DCHS2: variants seen among roughly 807,000 people sequenced by gnomAD.
DCHS2 encodes dachsous cadherin-related 2.
DCHS2 carries 142 observed loss-of-function variants against 182.4 expected under a neutral mutation model. That is an observed-to-expected ratio of 0.78 (90% CI 0.68 to 0.89). DCHS2 has a LOEUF of 0.89. Ranked by LOEUF, DCHS2 falls within the 40% of genes least tolerant of loss-of-function variation. The pLI, the probability that DCHS2 is intolerant of heterozygous loss-of-function variation, is 0.00. For missense variants in DCHS2, 4,319 were observed against 4,198.6 expected, an observed-to-expected ratio of 1.03 and a Z score of -0.79; for synonymous variants, 1,740 against 1,663.3, an observed-to-expected ratio of 1.05 and a Z score of -1.12.
rs565864507 is a variant in DCHS2 at position 154,245,522 on chromosome 4, G to A, written c.6942-2750C>T. 1.3e-4 allele frequency among the ~76,000 whole-genome samples: 19 copies of A among 151,608 alleles called. No individual in the cohort carries two copies. In the South Asian group the frequency reaches 2.5e-3, roughly 20 times the overall value. ...CAAAACTCTCAATTATATCTTAAAC[G>A]TCTAGCAGGAATTTTCTAATCCTTC... On this transcript the variant is annotated intron_variant, in intron 16 of 19. Transcript: ENST00000357232.
At chr4:154,465,006 A>G (rs760617880) in intron 1 of DCHS2, among the ~76,000 whole-genome samples, 8 of 152,214 alleles carry the variant, frequency 5.3e-5, no homozygotes, top group Middle Eastern at 3.2e-3. Flanking sequence ...AGGTTTAAAT[A>G]CTGTTAAAAA....
chr4:154,288,641 A>G (rs1304130669), intron 13 of DCHS2, among the ~76,000 whole-genome samples: 1 of 152,188 alleles, frequency 6.6e-6, no homozygotes, highest in East Asian at 1.9e-4. Context: ...CAGCACATGG[A>G]TCATTCTCAA....
intron 13 of DCHS2, among the ~76,000 whole-genome samples, chr4:154,295,264 C>G (rs1310014972): frequency 6.6e-6 from 1 of 152,224 alleles, no homozygotes; most frequent in Non-Finnish European, 1.5e-5. Flanking sequence ...TCCTTCCCTA[C>G]AGCTAACTTG....
intron 1 of DCHS2, among the ~76,000 whole-genome samples, chr4:154,433,867 A>G (rs1199937277): frequency 6.6e-6 from 1 of 152,140 alleles, no homozygotes; most frequent in Non-Finnish European, 1.5e-5. Flanking sequence ...ATATATAGTC[A>G]CTAAACAACA....
In DCHS2 at chr4:154,304,707, T is replaced by C. The variant is rs1578941965; in HGVS notation, c.5567A>G (p.Asp1856Gly). Residue 1856 changes from aspartate (D) to glycine (G), a missense_variant, in exon 12 of 20, where the codon GAT becomes GGT. Coordinates refer to ENST00000357232, the MANE Select transcript of DCHS2 (RefSeq NM_001358235.2). ...TTCAACAGCTCTGTTATTGCCAGCATCCATATCAGAGGCTAAAACCGTATA... is the reference window on the plus strand; with the variant it reads ...TTCAACAGCTCTGTTATTGCCAGCACCCATATCAGAGGCTAAAACCGTATA... ...VVYTVLASDM[D>G]AGNNRAVEYH... The C allele has an allele frequency of 6.2e-7, 1 of 1,613,594 alleles. No homozygotes were observed. Among genetic ancestry groups the C allele is most frequent in the Non-Finnish European group, 8.5e-7 (1 of 1,179,764 alleles).
chr4:154,288,060 G>A (rs1383510660), intron 13 of DCHS2, among the ~76,000 whole-genome samples: 1 of 152,084 alleles, frequency 6.6e-6, no homozygotes, highest in African/African-American at 2.4e-5. Context: ...AATGGCAGGA[G>A]TAAATCCTTA....
rs1016333562 is a variant in DCHS2, at chr4:154,242,388, C to G, written c.7072+254G>C. Among the ~76,000 whole-genome samples the G allele has an allele frequency of 6.6e-5, 10 of 152,264 alleles. No individual in the cohort carries two copies. The East Asian group carries it at 1.9e-3, about 29-fold the overall frequency. On this transcript the variant is annotated intron_variant, in intron 17 of 19. Transcript: ENST00000357232. ...AGTAGATATAATTTGTAGGAAATGT[C>G]TGCATTATAAACAGATACTATAAGG...
chr4:154,447,367 T>G (rs867829250), intron 1 of DCHS2, among the ~76,000 whole-genome samples: 6 of 152,192 alleles, frequency 3.9e-5, no homozygotes, highest in Admixed American at 6.5e-5. Context: ...TGTATCCTGG[T>G]TGTAATATTA....
At chr4:154,305,459 C>T (rs941910840) in intron 10 of DCHS2, among the ~76,000 whole-genome samples, 1 of 152,306 alleles carries the variant, frequency 6.6e-6, no homozygotes, top group East Asian at 1.9e-4. Flanking sequence ...GACTTCCCCA[C>T]AGTGAATGCT....
chr4:154,380,025 C>T (rs893548075), intron 1 of DCHS2, among the ~76,000 whole-genome samples: 2 of 152,068 alleles, frequency 1.3e-5, no homozygotes, highest in African/African-American at 4.8e-5. Flanking sequence ...TCGAGAGATA[C>T]TGCTGCAATG....
chr4:154,397,728 T>G (rs1490176786), intron 1 of DCHS2, among the ~76,000 whole-genome samples: 2 of 152,178 alleles, frequency 1.3e-5, no homozygotes, highest in African/African-American at 2.4e-5. Context: ...AAGTTCACTT[T>G]AAAAAATGGC....
At chr4:154,442,566 G>A (rs1313067130) in intron 1 of DCHS2, among the ~76,000 whole-genome samples, 5 of 101,220 alleles carry the variant, frequency 4.9e-5, no homozygotes, top group African/African-American at 1.9e-4. Context: ...CACACACCAG[G>A]ACATTGCTTA....
intron 1 of DCHS2, among the ~76,000 whole-genome samples, chr4:154,396,060 G>A (rs895415315): frequency 7.2e-5 from 11 of 152,238 alleles, no homozygotes; most frequent in African/African-American, 2.6e-4. Flanking sequence ...CCTGAGTTTA[G>A]GAGAAGAAAT....
At chr4:154,239,377 G>T in intron 18 of DCHS2, 75 bp from the exon 19 acceptor site, 4 of 1,579,198 alleles carry the variant, frequency 2.5e-6, no homozygotes, top group Non-Finnish European at 3.4e-6. Context: ...GACAGAACAT[G>T]AGGTCATTTT....
At chr4:154,338,363 G>A (rs750113973) in intron 3 of DCHS2, among the ~76,000 whole-genome samples, 34 of 152,092 alleles carry the variant, frequency 2.2e-4, no homozygotes, top group Non-Finnish European at 4.3e-4. Flanking sequence ...CAGTGGATAA[G>A]GACAGGTAGT....
Position 154,490,380 on chromosome 4 carries a change from C to G in DCHS2, c.976G>C (p.Gly326Arg), listed in dbSNP as rs1198177220. Reference protein sequence around the residue: ...CRVRATDRDLGPNGFVRYSVR... With the variant: ...CRVRATDRDLRPNGFVRYSVR... ...CTGTAGCGCACGAAGCCATTGGGCCCCAGGTCGCGGTCGGTGGCGCGCACG... is the reference window on the plus strand; with the variant it reads ...CTGTAGCGCACGAAGCCATTGGGCCGCAGGTCGCGGTCGGTGGCGCGCACG... The change falls in exon 1 of 20, where the codon GGG becomes CGG. Residue 326 changes from glycine (G) to arginine (R), a missense_variant. Coordinates refer to ENST00000357232, the MANE Select transcript of DCHS2 (RefSeq NM_001358235.2). 6.5e-7 allele frequency: 1 copy of G among 1,534,952 alleles called. No homozygotes were observed. The highest frequency in any genetic ancestry group is 2.0e-5 in the Admixed American group (1 of 50,776).
At chr4:154,405,488 A>T (rs1732363050) in intron 1 of DCHS2, among the ~76,000 whole-genome samples, 1 of 150,524 alleles carries the variant, frequency 6.6e-6, no homozygotes, top group Non-Finnish European at 1.5e-5. Context: ...TGCTCCATTC[A>T]CTCTCTTCTC....
In DCHS2 at chr4:154,286,199, C is replaced by G. The variant is rs547647613; in HGVS notation, c.6463+11652G>C. On this transcript the variant is annotated intron_variant, in intron 13 of 19. Transcript: ENST00000357232. ...AAAACTTAGATCACAACACCAAAGT[C>G]ACTTCGAATACCTGGAAAGTCTTGC... Among the ~76,000 whole-genome samples, 36 of 152,222 alleles carry G rather than the reference C, an allele frequency of 2.4e-4. 1 individual carries two copies. Among genetic ancestry groups the G allele is most frequent in the Middle Eastern group, 6.8e-3 (2 of 294 alleles).
chr4:154,324,734 G>A (rs1428434473), intron 7 of DCHS2, among the ~76,000 whole-genome samples: 1 of 151,990 alleles, frequency 6.6e-6, no homozygotes, highest in Non-Finnish European at 1.5e-5. Context: ...GGACATAAAA[G>A]CAAATAAAAA....
Sources: allele counts gnomAD v4.1 joint callset (sites outside exome capture counted in the v4.1 genomes callset), GRCh38; gene constraint gnomAD v4.1.1; transcripts MANE v1.5; gene names NCBI Gene and HGNC (gene_info 2026-07-23, HGNC 2026-07-21).